SHROOM3: variants seen among roughly 807,000 people sequenced by gnomAD.
The protein encoded by SHROOM3 is protein Shroom3.
SHROOM3 carries 47 observed loss-of-function variants against 138.6 expected under a neutral mutation model. The observed-to-expected ratio is 0.34, with a 90% CI of 0.27 to 0.43. The LOEUF (loss-of-function observed/expected upper bound fraction) is 0.43. Ranked by LOEUF, SHROOM3 falls within the 20% of genes least tolerant of loss-of-function variation. SHROOM3 has a pLI of 1.00. For missense variants in SHROOM3, 2,491 were observed against 2,596.5 expected (o/e 0.96, Z 0.88); for synonymous variants, 1,062 against 1,063.3 (o/e 1.00, Z 0.02).
chr4:76,488,517 G>C (rs927840190), intron 1 of SHROOM3, among the ~76,000 whole-genome samples: 1 of 152,202 alleles, frequency 6.6e-6, no homozygotes, highest in Non-Finnish European at 1.5e-5. Flanking sequence ...TTTAAGCAAG[G>C]CAGTTTGCAT....
At chr4:76,699,853 A>G (rs1475684224) in intron 2 of SHROOM3, among the ~76,000 whole-genome samples, 1 of 151,760 alleles carries the variant, frequency 6.6e-6, no homozygotes, top group Admixed American at 6.6e-5. Flanking sequence ...CTTTGATGAG[A>G]CTCCCCTGAT....
At chr4:76,582,852 G>A (rs766477198) in intron 2 of SHROOM3, among the ~76,000 whole-genome samples, 2 of 152,148 alleles carry the variant, frequency 1.3e-5, no homozygotes, top group African/African-American at 4.8e-5. Flanking sequence ...GAGCCAGAAG[G>A]GAAAGCAATG....
At chr4:76,560,580 A>G (rs1253724096) in intron 2 of SHROOM3, among the ~76,000 whole-genome samples, 2 of 152,200 alleles carry the variant, frequency 1.3e-5, no homozygotes, top group Non-Finnish European at 2.9e-5. Context: ...TTATTTACTT[A>G]TTAATCCTTC....
chr4:76,522,087 G>A (rs1283087869), intron 1 of SHROOM3, among the ~76,000 whole-genome samples: 3 of 149,614 alleles, frequency 2.0e-5, no homozygotes, highest in African/African-American at 7.3e-5. Context: ...AAGAAAAAAA[G>A]GCAGGGAACT....
intron 3 of SHROOM3, among the ~76,000 whole-genome samples, chr4:76,729,999 T>G (rs1720827433): frequency 6.6e-6 from 1 of 152,200 alleles, no homozygotes; most frequent in East Asian, 1.9e-4. Context: ...ATTTTCAGCA[T>G]GAAATGCCTG....
intron 2 of SHROOM3, among the ~76,000 whole-genome samples, chr4:76,624,030 T>C (rs1382975742): frequency 2.0e-5 from 3 of 152,234 alleles, no homozygotes; most frequent in Admixed American, 1.3e-4. Flanking sequence ...ATTTTAAATT[T>C]AGGTTATTTT....
intron 2 of SHROOM3, chr4:76,689,787 G>A (rs1719462682): frequency 1.0e-6 from 1 of 975,766 alleles, no homozygotes; most frequent in South Asian, 4.7e-5. Flanking sequence ...CGGGCTCTGC[G>A]GCGACTCTGG....
At chr4:76,760,759 A>G (rs1721963717) in intron 9 of SHROOM3, among the ~76,000 whole-genome samples, 1 of 152,154 alleles carries the variant, frequency 6.6e-6, no homozygotes, top group Non-Finnish European at 1.5e-5. Flanking sequence ...TATACCCCTG[A>G]TATATATACC....
intron 1 of SHROOM3, among the ~76,000 whole-genome samples, chr4:76,491,407 C>G (rs1160682396): frequency 6.6e-6 from 1 of 152,162 alleles, no homozygotes; most frequent in African/African-American, 2.4e-5. Flanking sequence ...ATTGTCAGAG[C>G]CTTTGTTTTA....
rs1425902153 is a variant in SHROOM3, at chr4:76,741,633, A to G, written c.3460A>G (p.Thr1154Ala). The G allele has an allele frequency of 6.5e-7, 1 of 1,543,096 alleles. No individual in the cohort carries two copies. The highest frequency in any genetic ancestry group is 2.4e-5 in the East Asian group (1 of 41,294). ...CAGCCTGCAGCCCCGCAGGGAGGCCACGCTCCTGCCGGCCACAGTTGCAGA... is the reference window on the plus strand; with the variant it reads ...CAGCCTGCAGCCCCGCAGGGAGGCCGCGCTCCTGCCGGCCACAGTTGCAGA... ...EPSLQPRREA[T>A]LLPATVAETQ... Residue 1154 changes from threonine to alanine, a missense_variant, in exon 5 of 11, where the codon ACG becomes GCG. Physicochemically the swap from Thr to Ala is moderately conservative, Grantham distance 58 (BLOSUM62 0). Transcript: ENST00000296043. This position sits in a 1 kb window ranked among gnomAD's most constrained non-coding sequence, Gnocchi z 6.2.
At position 76,779,868 on chromosome 4, in the gene SHROOM3, C is replaced by T. The variant is rs1331182102; in HGVS notation, c.*691C>T. On this transcript the variant is annotated 3_prime_UTR_variant, in exon 11 of 11. Coordinates refer to ENST00000296043, the MANE Select transcript of SHROOM3 (RefSeq NM_020859.4). The stretch of plus-strand genomic sequence containing the variant: ...AACACGAGCAGGCATTCTGCGCTTC[C>T]ACTGGACTGAGTATGGGGGAGTCCT... 6.5e-6 allele frequency: 1 copy of T among 152,832 alleles called. No individual in the cohort carries two copies. The highest frequency in any genetic ancestry group is 1.5e-5 in the Non-Finnish European group (1 of 68,190). 9.5% of individuals were successfully genotyped at this position (152,832 alleles called of 1,614,324 possible).
At chr4:76,501,680 A>T (rs1732098845) in intron 1 of SHROOM3, among the ~76,000 whole-genome samples, 1 of 152,186 alleles carries the variant, frequency 6.6e-6, no homozygotes, top group Non-Finnish European at 1.5e-5. Context: ...GGCTAGAAAT[A>T]AAGTTAATCA....
chr4:76,755,105 A>G lies in SHROOM3; in HGVS notation c.4622A>G (p.Tyr1541Cys). The G allele has an allele frequency of 6.3e-7, 1 of 1,596,722 alleles. No homozygotes were observed. The highest frequency in any genetic ancestry group is 8.5e-7 in the Non-Finnish European group (1 of 1,172,070). ...CCACCGAGTCAGGAAACCCCGGTGTATAGCATGGATGACTTCCCTCCACCT... is the reference window on the plus strand; with the variant it reads ...CCACCGAGTCAGGAAACCCCGGTGTGTAGCATGGATGACTTCCCTCCACCT... ...PPPPSQETPV[Y>C]SMDDFPPPPP... Residue 1541 changes from tyrosine to cysteine, a missense_variant, in exon 7 of 11, where the codon TAT (tyrosine) becomes TGT (cysteine). By Grantham distance (194) the Tyr-to-Cys change is radical (BLOSUM62 -2). This residue lies in a region of SHROOM3 where 470 missense variants were observed against 595.0 expected (regional missense o/e 0.79). Coordinates refer to ENST00000296043, the MANE Select transcript of SHROOM3 (RefSeq NM_020859.4).
At chr4:76,731,776 A>C (rs980973669) in intron 4 of SHROOM3, among the ~76,000 whole-genome samples, 1 of 140,752 alleles carries the variant, frequency 7.1e-6, no homozygotes, top group African/African-American at 2.8e-5. Flanking sequence ...GTAAGACTTC[A>C]TCTCAAAAAA....
intron 5 of SHROOM3, among the ~76,000 whole-genome samples, chr4:76,742,336 C>T (rs928989811): frequency 1.3e-5 from 2 of 151,744 alleles, no homozygotes; most frequent in East Asian, 1.9e-4. Context: ...TTGGACTTTG[C>T]ATCTACAAAA....
intron 1 of SHROOM3, among the ~76,000 whole-genome samples, chr4:76,526,068 G>T (rs998180634): frequency 3.3e-5 from 5 of 152,274 alleles, no homozygotes; most frequent in Middle Eastern, 3.4e-3. Flanking sequence ...CATGCCCTGT[G>T]ATATAAAAAT....
chr4:76,635,298 A>G (rs1258937977), intron 2 of SHROOM3, among the ~76,000 whole-genome samples: 1 of 152,192 alleles, frequency 6.6e-6, no homozygotes, highest in East Asian at 1.9e-4. Flanking sequence ...CTGATCAACC[A>G]TATTTGGGGG....
At chr4:76,635,453 C>T (rs1268143622) in intron 2 of SHROOM3, among the ~76,000 whole-genome samples, 2 of 152,182 alleles carry the variant, frequency 1.3e-5, no homozygotes, top group South Asian at 2.1e-4. Context: ...AATTCCAACT[C>T]GTTTCCCCTT....
At chr4:76,627,350 A>G (rs968682061) in intron 2 of SHROOM3, among the ~76,000 whole-genome samples, 2 of 152,208 alleles carry the variant, frequency 1.3e-5, no homozygotes, top group Admixed American at 6.5e-5. Flanking sequence ...CTGGAATAAC[A>G]TACAACCCAA....
Sources: gnomAD v4.1 joint callset for allele counts (sites outside exome capture counted in the v4.1 genomes callset) on GRCh38, gnomAD v4.1.1 for gene constraint, gnomAD v4.1.1 regional missense constraint, Gnocchi (gnomAD v3.1) non-coding constraint, MANE v1.5 for transcripts, NCBI Gene and HGNC (gene_info 2026-07-23, HGNC 2026-07-21) for gene names.